EIF4G3: variants seen among roughly 807,000 people sequenced by gnomAD.
EIF4G3 encodes eIF-4-gamma 3.
Under a neutral mutation model 186.4 loss-of-function variants are expected in EIF4G3, and 34 were observed. That is an observed-to-expected ratio of 0.18 (90% CI 0.14 to 0.24). The LOEUF (loss-of-function observed/expected upper bound fraction) is 0.24. Ranked by LOEUF, EIF4G3 falls within the 10% of genes least tolerant of loss-of-function variation. EIF4G3 has a pLI of 1.00. For synonymous variants in EIF4G3, 673 were observed against 679.5 expected (o/e 0.99, Z 0.15); for missense variants, 1,536 against 1,948.5 (o/e 0.79, Z 3.99).
intron 4 of EIF4G3, among the ~76,000 whole-genome samples, chr1:21,030,122 C>T (rs1483465494): frequency 6.6e-6 from 1 of 152,150 alleles, no homozygotes; most frequent in Admixed American, 6.5e-5. Flanking sequence ...GATCATCCTG[C>T]CTCAACCTCC....
intron 20 of EIF4G3, among the ~76,000 whole-genome samples, chr1:20,866,236 A>T (rs941268153): frequency 7.2e-5 from 11 of 152,188 alleles, no homozygotes; most frequent in Non-Finnish European, 1.5e-4. Context: ...ACCAGAATGC[A>T]CTTGGTCAGC....
intron 2 of EIF4G3, among the ~76,000 whole-genome samples, chr1:21,109,491 A>G (rs1177041879): frequency 6.6e-6 from 1 of 152,208 alleles, no homozygotes; most frequent in Non-Finnish European, 1.5e-5. Flanking sequence ...TAAAATTAAA[A>G]TAAGTATAAA....
chr1:20,812,135 T>C (rs890692517), intron 35 of EIF4G3, among the ~76,000 whole-genome samples: 7 of 152,148 alleles, frequency 4.6e-5, no homozygotes, highest in African/African-American at 1.7e-4. Flanking sequence ...AGATTTTGCT[T>C]TTAAAATCTG....
At chr1:20,963,244 CT>C (rs936736739) in intron 12 of EIF4G3, among the ~76,000 whole-genome samples, 9 of 151,844 alleles carry the variant, frequency 5.9e-5, no homozygotes, top group African/African-American at 1.9e-4. Context: ...CTAAATTTTT[CT>C]TTTTTTGATA....
intron 30 of EIF4G3, among the ~76,000 whole-genome samples, chr1:20,830,073 A>G (rs1264414122): frequency 5.3e-5 from 8 of 152,268 alleles, no homozygotes; most frequent in Admixed American, 5.2e-4. Context: ...ATTTAACTAC[A>G]GGAGACATAC....
rs2098102050 is a variant in EIF4G3, at chr1:21,176,231, T to TGCCGCCGCTGCC, written c.-329_-328insGGCAGCGGCGGC. 2.9e-6 allele frequency: 1 copy of TGCCGCCGCTGCC among 345,888 alleles called. No individual in the cohort carries two copies. The highest frequency in any genetic ancestry group is 4.9e-5 in the Admixed American group (1 of 20,452). 21.4% of individuals were successfully genotyped at this position (345,888 alleles called of 1,614,324 possible). A position where few individuals can be genotyped will look rare whatever the true frequency, so the allele number is the denominator to read the frequency against. ...TGTTCGGGTGAGGAGGGGGGACCGC[T>TGCCGCCGCTGCC]GCCGCCGCCGCCGCCGCCGCCGCCG... On this transcript the variant is annotated 5_prime_UTR_variant, in exon 2 of 37. Transcript: ENST00000602326.
At chr1:21,058,255 A>C (rs970884278) in intron 3 of EIF4G3, among the ~76,000 whole-genome samples, 1 of 152,300 alleles carries the variant, frequency 6.6e-6, no homozygotes, top group East Asian at 1.9e-4. Flanking sequence ...GGAAAACGAT[A>C]AGAGAATGGC....
At chr1:20,928,834 G>A (rs1457146434) in intron 14 of EIF4G3, among the ~76,000 whole-genome samples, 1 of 152,062 alleles carries the variant, frequency 6.6e-6, no homozygotes, top group African/African-American at 2.4e-5. Context: ...TATAACTTTA[G>A]AATATTTTCA....
At chr1:20,932,063 G>C (rs892170017) in intron 14 of EIF4G3, among the ~76,000 whole-genome samples, 4 of 152,146 alleles carry the variant, frequency 2.6e-5, no homozygotes, top group African/African-American at 9.7e-5. Flanking sequence ...ATCTTAGCTA[G>C]ATCATCTGGA....
At chr1:21,076,700 C>G (rs1198056516) in intron 3 of EIF4G3, among the ~76,000 whole-genome samples, 1 of 152,038 alleles carries the variant, frequency 6.6e-6, no homozygotes, top group East Asian at 1.9e-4. Flanking sequence ...AAAGGACAGT[C>G]TCCTCAATCA....
intron 17 of EIF4G3, 79 bp downstream of exon 17, chr1:20,895,289 C>T: frequency 6.1e-6 from 9 of 1,472,848 alleles, no homozygotes; most frequent in Non-Finnish European, 7.3e-6. Flanking sequence ...AAAAACTGCT[C>T]ATACTTCACA....
rs2096166779 is a variant in EIF4G3, at chr1:20,950,575, A to G, written c.715-464T>C. Among the ~76,000 whole-genome samples, 4 of 152,230 alleles carry G rather than the reference A, an allele frequency of 2.6e-5. No individual in the cohort carries two copies. In the South Asian group the frequency reaches 6.2e-4, roughly 24 times the overall value. On this transcript the variant is annotated intron_variant, in intron 12 of 36. Coordinates refer to ENST00000602326, the MANE Select transcript of EIF4G3 (RefSeq NM_001391906.1). The stretch of plus-strand genomic sequence containing the variant: ...GCTGAAAAGCGGTTACAGATTCAAG[A>G]AAACAATATTGAAAAATGATTCCTG...
intron 29 of EIF4G3, among the ~76,000 whole-genome samples, chr1:20,845,672 AT>A (rs2070713284): frequency 3.3e-5 from 5 of 152,040 alleles, no homozygotes; most frequent in African/African-American, 1.2e-4. Flanking sequence ...AAGAAAAAAA[AT>A]AAATAATAAA....
At chr1:21,067,588 C>G (rs1212653189) in intron 3 of EIF4G3, among the ~76,000 whole-genome samples, 1 of 151,936 alleles carries the variant, frequency 6.6e-6, no homozygotes, top group African/African-American at 2.4e-5. Flanking sequence ...TTTTTAATAA[C>G]CAGAATACAA....
chr1:21,134,587 T>C (rs913200968), intron 2 of EIF4G3, among the ~76,000 whole-genome samples: 5 of 152,166 alleles, frequency 3.3e-5, no homozygotes, highest in African/African-American at 7.2e-5. Flanking sequence ...GAGAATCACT[T>C]GAGCCCGGGA....
rs1261226911 is a variant in EIF4G3, at chr1:20,847,883, G to C, written c.3888+1532C>G. The C allele has an allele frequency of 2.6e-5, 12 of 470,302 alleles. No individual in the cohort carries two copies. In the Admixed American group the frequency reaches 2.6e-4, roughly 10 times the overall value. The allele number at this position is 470,302 out of a possible 1,614,324, so 29.1% of individuals were successfully genotyped here. A position where few individuals can be genotyped will look rare whatever the true frequency, so the allele number is the denominator to read the frequency against. ...GAATTTCAGAGGCTTGAAGGCTTTAGAAGATTGAACTATAGATAACCAAGG... is the reference window on the plus strand; with the variant it reads ...GAATTTCAGAGGCTTGAAGGCTTTACAAGATTGAACTATAGATAACCAAGG... On this transcript the variant is annotated intron_variant, in intron 29 of 36. Transcript: ENST00000602326.
At chr1:21,162,593 C>T (rs942354688) in intron 2 of EIF4G3, among the ~76,000 whole-genome samples, 5 of 151,868 alleles carry the variant, frequency 3.3e-5, no homozygotes, top group African/African-American at 1.2e-4. Flanking sequence ...AATACAAAAA[C>T]TTAGCTGAGT....
chr1:21,082,649 C>T (rs573920251), intron 3 of EIF4G3, among the ~76,000 whole-genome samples: 19 of 152,120 alleles, frequency 1.2e-4, no homozygotes, highest in African/African-American at 4.1e-4. Context: ...ACACCATAAT[C>T]CCAGCACTTT....
chr1:20,855,431 A>C (rs74802890), intron 25 of EIF4G3, among the ~76,000 whole-genome samples: 1,656 of 152,342 alleles, frequency 0.011, 24 homozygotes, highest in African/African-American at 0.037. Flanking sequence ...CTACAAAATT[A>C]ATTCATTAGT....
Sources: allele counts gnomAD v4.1 joint callset (sites outside exome capture counted in the v4.1 genomes callset), GRCh38; gene constraint gnomAD v4.1.1; transcripts MANE v1.5; gene names NCBI Gene and HGNC (gene_info 2026-07-23, HGNC 2026-07-21).